The following TNFSF4 variants were observed in gnomAD, a reference collection of about 807,000 sequenced individuals.
TNFSF4 encodes the protein TNF superfamily member 4, also known as tumor necrosis factor ligand superfamily member 4.
Under a neutral mutation model 7.3 loss-of-function variants are expected in TNFSF4, and 4 were observed. The observed-to-expected ratio is 0.55, with a 90% confidence interval of 0.27 to 1.25. The LOEUF (loss-of-function observed/expected upper bound fraction) is 1.25. TNFSF4 is among the 50% of genes most tolerant of loss of function. The pLI, the probability that TNFSF4 is intolerant of heterozygous loss-of-function variation, is 0.12. For synonymous variants in TNFSF4, 76 were observed against 83.7 expected, an observed-to-expected ratio of 0.91 and a Z score of 0.50; for missense variants, 181 against 208.8, an observed-to-expected ratio of 0.87 and a Z score of 0.82.
At chr1:173,355,657 C>A in the TNFSF4 span, among the ~76,000 whole-genome samples, 1 of 152,188 alleles carries the variant, frequency 6.6e-6, no homozygotes. Context: ...ATGAAAAGTG[C>A]AGAACGCCCC....
the TNFSF4 span, among the ~76,000 whole-genome samples, chr1:173,215,178 G>A: frequency 5.3e-5 from 8 of 152,252 alleles, no homozygotes; most frequent in East Asian, 9.6e-4. Context: ...GACACAGCAA[G>A]AAGGTGGCCG....
At chr1:173,244,252 T>C in the TNFSF4 span, among the ~76,000 whole-genome samples, 1 of 152,122 alleles carries the variant, frequency 6.6e-6, no homozygotes, top group Admixed American at 6.5e-5. Context: ...TGGTATGACA[T>C]GGTAGAAATG....
At chr1:173,316,674 T>C in the TNFSF4 span, among the ~76,000 whole-genome samples, 5 of 152,102 alleles carry the variant, frequency 3.3e-5, no homozygotes, top group Admixed American at 2.0e-4. Flanking sequence ...ATAATAAAAA[T>C]AAATTACTAG....
At chr1:173,369,499 A>T in the TNFSF4 span, among the ~76,000 whole-genome samples, 1 of 152,134 alleles carries the variant, frequency 6.6e-6, no homozygotes, top group Non-Finnish European at 1.5e-5. Flanking sequence ...GAGCGCAACT[A>T]TTCTGAACAG....
chr1:173,188,478 T>A (rs1453698101), intron 2 of TNFSF4, 43 bp downstream of exon 2: 5 of 1,458,762 alleles, frequency 3.4e-6, no homozygotes, highest in Non-Finnish European at 3.8e-6. Context: ...AAGAGAAGAT[T>A]CTTTCAAAAA....
At chr1:173,356,991 C>T in the TNFSF4 span, among the ~76,000 whole-genome samples, 1 of 152,078 alleles carries the variant, frequency 6.6e-6, no homozygotes, top group East Asian at 1.9e-4. Flanking sequence ...TAGCTGGGGA[C>T]CCATTTGGCC....
At chr1:173,202,296 A>G (rs1196912368) in intron 1 of TNFSF4, among the ~76,000 whole-genome samples, 1 of 152,148 alleles carries the variant, frequency 6.6e-6, no homozygotes, top group Non-Finnish European at 1.5e-5. Flanking sequence ...ATACACGTGC[A>G]ATATTTTCCA....
chr1:173,300,316 A>T, the TNFSF4 span, among the ~76,000 whole-genome samples: 1 of 151,858 alleles, frequency 6.6e-6, no homozygotes, highest in African/African-American at 2.4e-5. Context: ...GGAACTTCCT[A>T]TGAGGAATAG....
the TNFSF4 span, among the ~76,000 whole-genome samples, chr1:173,369,193 TC>T: frequency 1.3e-5 from 2 of 152,172 alleles, no homozygotes; most frequent in Non-Finnish European, 2.9e-5. Context: ...ACCCTGGAGA[TC>T]CCTTCCCTCC....
the TNFSF4 span, among the ~76,000 whole-genome samples, chr1:173,421,618 C>T: frequency 6.6e-6 from 1 of 151,998 alleles, no homozygotes; most frequent in Admixed American, 6.5e-5. Flanking sequence ...CACTGAAAGA[C>T]AAATTCTCAT....
rs1413964005 is a variant in TNFSF4, at chr1:173,184,023, T to A, written c.*2493A>T. 6.6e-6 allele frequency: 1 copy of A among 152,004 alleles called. No homozygotes were observed. Among genetic ancestry groups the A allele is most frequent in the Non-Finnish European group, 1.5e-5 (1 of 67,994 alleles). 9.4% of individuals were successfully genotyped at this position (152,004 alleles called of 1,614,324 possible). A position where few individuals can be genotyped will look rare whatever the true frequency, so the allele number is the denominator to read the frequency against. On this transcript the variant is annotated 3_prime_UTR_variant, in exon 3 of 3. Coordinates refer to ENST00000281834, the MANE Select transcript of TNFSF4 (RefSeq NM_003326.5). ...AGATGTAAGCTTGTCCAGAAAAAAA[T>A]ACATTCAACATAGTAAAGGAGAAGG...
the TNFSF4 span, among the ~76,000 whole-genome samples, chr1:173,414,949 G>A: frequency 6.8e-6 from 1 of 147,762 alleles, no homozygotes; most frequent in Non-Finnish European, 1.5e-5. Flanking sequence ...CCAAGTTTTA[G>A]CAATGAATCT....
chr1:173,377,158 C>A, the TNFSF4 span, among the ~76,000 whole-genome samples: 1 of 152,162 alleles, frequency 6.6e-6, no homozygotes. Context: ...CCGGAAGGAA[C>A]CAATTCCAGA....
chr1:173,229,803 C>T, the TNFSF4 span, among the ~76,000 whole-genome samples: 1 of 151,962 alleles, frequency 6.6e-6, no homozygotes, highest in Admixed American at 6.6e-5. Flanking sequence ...ATACAACAGA[C>T]TTTAAACCGA....
At chr1:173,224,366 T>C in the TNFSF4 span, among the ~76,000 whole-genome samples, 16 of 152,338 alleles carry the variant, frequency 1.1e-4, no homozygotes, top group East Asian at 2.5e-3. Flanking sequence ...CATGATCTAA[T>C]TTAATCCCTG....
At chr1:173,379,185 T>C in the TNFSF4 span, among the ~76,000 whole-genome samples, 3 of 152,108 alleles carry the variant, frequency 2.0e-5, no homozygotes, top group Non-Finnish European at 4.4e-5. Flanking sequence ...AAGTAAATGA[T>C]ACAATGACAG....
intron 1 of TNFSF4, among the ~76,000 whole-genome samples, chr1:173,200,457 G>A (rs1303481776): frequency 6.6e-6 from 1 of 152,172 alleles, no homozygotes; most frequent in Non-Finnish European, 1.5e-5. Context: ...AAAACGGTTT[G>A]AGTTTAGGTT....
chr1:173,321,521 T>C, the TNFSF4 span, among the ~76,000 whole-genome samples: 2 of 151,988 alleles, frequency 1.3e-5, no homozygotes, highest in East Asian at 3.9e-4. Flanking sequence ...CAAAAGAAAC[T>C]ATCATCAGAA....
chr1:173,395,017 TAGATAGATAGATAGATAGATGATAGATA>T, the TNFSF4 span, among the ~76,000 whole-genome samples: 3 of 129,176 alleles, frequency 2.3e-5, no homozygotes, highest in South Asian at 2.6e-4. Flanking sequence ...GATAGATAGA[TAGATAGATAGATAGATAGATGATAGATA>T]GATAGATAGA....
Sources: allele counts gnomAD v4.1 joint callset (sites outside exome capture counted in the v4.1 genomes callset), GRCh38; gene constraint gnomAD v4.1.1; transcripts MANE v1.5; gene names NCBI Gene and HGNC (gene_info 2026-07-23, HGNC 2026-07-21).